The following GRID2IP variants were observed in gnomAD, a reference collection of about 807,000 sequenced individuals.
GRID2IP encodes the protein Grid2 interacting protein.
In GRID2IP, 78 loss-of-function variants were observed where a neutral mutation model predicts 114.3. The ratio of observed to expected loss-of-function variants is 0.68; its 90% CI spans 0.57 to 0.82. The LOEUF (loss-of-function observed/expected upper bound fraction) is 0.82, where lower values mean the gene tolerates loss of function less well. Among genes scored for constraint, GRID2IP ranks in the 40% least tolerant of loss-of-function variants. GRID2IP has a pLI of 0.00. For missense variants in GRID2IP, 1,727 were observed against 1,678.5 expected (o/e 1.03, Z -0.51); for synonymous variants, 809 against 724.0 (o/e 1.12, Z -1.89).
rs182315908 is a variant in GRID2IP, at chr7:6,506,271, G to A, written c.2545-364C>T. Among the ~76,000 whole-genome samples, 10 of 152,332 alleles carry A rather than the reference G, an allele frequency of 6.6e-5. No homozygotes were observed. In the East Asian group the frequency reaches 7.7e-4, roughly 12 times the overall value. On this transcript the variant is annotated intron_variant, in intron 13 of 21. Transcript: ENST00000457091. The surrounding 1 kb of genome is among the most constrained non-coding windows in gnomAD (Gnocchi z 5.2). ...CTGTCATCAGGTCTCCTTGGAGAGC[G>A]GTGAGTTCACCAGGGCTGCCCTGGG...
At chr7:6,542,420 G>A (rs1421003217) in intron 1 of GRID2IP, among the ~76,000 whole-genome samples, 1 of 152,054 alleles carries the variant, frequency 6.6e-6, no homozygotes, top group African/African-American at 2.4e-5. Flanking sequence ...TAGGGAGATC[G>A]AGGCAGGAGG....
chr7:6,502,227 C>G, intron 18 of GRID2IP, 109 bp from the exon 19 acceptor site: 1 of 1,103,656 alleles, frequency 9.1e-7, no homozygotes, highest in Non-Finnish European at 1.3e-6. Flanking sequence ...TTCTTGGCGC[C>G]CCCACTTTTT....
chr7:6,526,383 G>T lies in GRID2IP; in HGVS notation c.834-74C>A. 1.3e-6 allele frequency: 2 copies of T among 1,506,742 alleles called. No homozygotes were observed. Among genetic ancestry groups the T allele is most frequent in the Non-Finnish European group, 9.0e-7 (1 of 1,110,758 alleles). The allele number at this position is 1,506,742 out of a possible 1,614,324, so 93.3% of individuals were successfully genotyped here. A position where few individuals can be genotyped will look rare whatever the true frequency, so the allele number is the denominator to read the frequency against. On this transcript the variant is annotated intron_variant, in intron 3 of 21. Coordinates refer to ENST00000457091, the MANE Select transcript of GRID2IP (RefSeq NM_001145118.2). The surrounding 1 kb of genome is among the most constrained non-coding windows in gnomAD (Gnocchi z 7.6). The stretch of plus-strand genomic sequence containing the variant: ...GGCGCAGAGGTTGGAGATGTCCCGT[G>T]TCCCTCTCCCCTTAACCTCTCCGGC...
In GRID2IP at chr7:6,506,222, C is replaced by T. The variant is rs1028141012; in HGVS notation, c.2545-315G>A. On this transcript the variant is annotated intron_variant, in intron 13 of 21. Transcript: ENST00000457091. The surrounding 1 kb of genome is among the most constrained non-coding windows in gnomAD (Gnocchi z 5.2). ...AGGCTAGAGCCAAGTAAGGGGCTAC[C>T]GGAGGTGGCTCAGGGGTCTGGCTCT... Among the ~76,000 whole-genome samples the T allele has an allele frequency of 1.6e-4, 24 of 152,302 alleles. No homozygotes were observed. The highest frequency in any genetic ancestry group is 3.2e-4 in the Non-Finnish European group (22 of 68,028).
intron 1 of GRID2IP, among the ~76,000 whole-genome samples, chr7:6,547,236 A>T (rs1583356297): frequency 6.6e-6 from 1 of 152,238 alleles, no homozygotes; most frequent in African/African-American, 2.4e-5. Flanking sequence ...CTGTAGTGCA[A>T]ACGCACTAAG....
At chr7:6,502,224 C>T (rs754576288) in intron 18 of GRID2IP, 106 bp from the exon 19 acceptor site, 63 of 1,116,240 alleles carry the variant, frequency 5.6e-5, no homozygotes, top group Admixed American at 3.4e-4. Flanking sequence ...GAATTCTTGG[C>T]GCCCCCACTT....
In GRID2IP at chr7:6,536,902, G is replaced by C. The variant is rs1240447103; in HGVS notation, c.584+2816C>G. 4.5e-6 allele frequency: 3 copies of C among 663,312 alleles called. No homozygotes were observed. Among genetic ancestry groups the C allele is most frequent in the Admixed American group, 2.3e-5 (1 of 43,982 alleles). The allele number at this position is 663,312 out of a possible 1,614,324, so 41.1% of individuals were successfully genotyped here. Reference sequence around the variant, plus strand: ...CCGCTGCAGAGCCGAGAGCTGCGCCGGGGCTGGGGTGGGCGGGGGGGCGGC... The same window carrying C: ...CCGCTGCAGAGCCGAGAGCTGCGCCCGGGCTGGGGTGGGCGGGGGGGCGGC... On this transcript the variant is annotated intron_variant, in intron 2 of 21. Coordinates refer to ENST00000457091, the MANE Select transcript of GRID2IP (RefSeq NM_001145118.2). This position sits in a 1 kb window ranked among gnomAD's most constrained non-coding sequence, Gnocchi z 5.3.
At chr7:6,514,218 A>C (rs192942257) in intron 8 of GRID2IP, among the ~76,000 whole-genome samples, 157 bp downstream of exon 8, 14 of 152,258 alleles carry the variant, frequency 9.2e-5, no homozygotes, top group Admixed American at 8.5e-4. Context: ...GTGCCATTGC[A>C]CTCCAGCCTG....
Position 6,510,657 on chromosome 7 carries a change from G to A in GRID2IP, c.1605C>T (p.Arg535=), listed in dbSNP as rs569672182. 9 of 1,539,054 alleles carry A rather than the reference G, an allele frequency of 5.8e-6. No individual in the cohort carries two copies. The highest frequency in any genetic ancestry group is 7.9e-6 in the Non-Finnish European group (9 of 1,143,266). The change falls in exon 10 of 22, where the codon CGC becomes CGT. Residue 535 remains arginine, a synonymous_variant. Transcript: ENST00000457091. ...EMPLPLIPGE[R]QAGDGTSLPE... is the part of the protein sequence containing the mutation. The stretch of plus-strand genomic sequence containing the variant: ...GGAGGGACGTGCCGTCGCCTGCCTG[G>A]CGCTCGCCTGGGATCAGGGGAAGAG...
rs1409086109 is a variant in GRID2IP at position 6,516,697 on chromosome 7, G to A, written c.1269-2168C>T. Reference sequence around the variant, plus strand: ...CTGTGCTTCAGTGGTCACGCTCCTGGTCCGCATTCATGTTCTGCCCTGTGC... The same window carrying A: ...CTGTGCTTCAGTGGTCACGCTCCTGATCCGCATTCATGTTCTGCCCTGTGC... On this transcript the variant is annotated intron_variant, in intron 7 of 21. Coordinates refer to ENST00000457091, the MANE Select transcript of GRID2IP (RefSeq NM_001145118.2). The surrounding 1 kb of genome is among the most constrained non-coding windows in gnomAD (Gnocchi z 4.3). 6.6e-6 allele frequency among the ~76,000 whole-genome samples: 1 copy of A among 152,170 alleles called. No homozygotes were observed. The highest frequency in any genetic ancestry group is 1.5e-5 in the Non-Finnish European group (1 of 68,044).
intron 2 of GRID2IP, chr7:6,531,095 T>C (rs1476074059): frequency 3.6e-6 from 2 of 559,620 alleles, no homozygotes; most frequent in South Asian, 4.2e-5. Context: ...GCCCTGGTCC[T>C]TCCCCATCTG....
At position 6,497,483 on chromosome 7, in the gene GRID2IP, A is replaced by G; in HGVS notation, c.*291T>C. 6.1e-6 allele frequency: 2 copies of G among 326,428 alleles called. No individual in the cohort carries two copies. The highest frequency in any genetic ancestry group is 1.1e-5 in the Non-Finnish European group (2 of 178,530). 20.2% of individuals were successfully genotyped at this position (326,428 alleles called of 1,614,324 possible). A position where few individuals can be genotyped will look rare whatever the true frequency, so the allele number is the denominator to read the frequency against. On this transcript the variant is annotated 3_prime_UTR_variant, in exon 22 of 22. Transcript: ENST00000457091. ...AATCCACCCTCCAGGCCCCCCTGAC[A>G]GCCTGGGAGCGAAGTGGGAAGTGGG...
chr7:6,505,323 C>T (rs889472224), intron 14 of GRID2IP, among the ~76,000 whole-genome samples: 2 of 150,782 alleles, frequency 1.3e-5, no homozygotes, highest in Non-Finnish European at 2.9e-5. Context: ...AAATGAGAGT[C>T]CCTGGTGTTT....
Position 6,532,342 on chromosome 7 carries a change from C to G in GRID2IP, c.585-5573G>C, listed in dbSNP as rs982954057. 6.6e-6 allele frequency among the ~76,000 whole-genome samples: 1 copy of G among 152,070 alleles called. No individual in the cohort carries two copies. The highest frequency in any genetic ancestry group is 1.5e-5 in the Non-Finnish European group (1 of 68,020). Reference sequence around the variant, plus strand: ...AGGCGGGAACAGGAGAGGCAAGATGCCCCGGGGACTTTCCCTCTGTCTCAC... The same window carrying G: ...AGGCGGGAACAGGAGAGGCAAGATGGCCCGGGGACTTTCCCTCTGTCTCAC... On this transcript the variant is annotated intron_variant, in intron 2 of 21. Coordinates refer to ENST00000457091, the MANE Select transcript of GRID2IP (RefSeq NM_001145118.2). This position sits in a 1 kb window ranked among gnomAD's most constrained non-coding sequence, Gnocchi z 4.4.
chr7:6,508,843 C>T lies in GRID2IP; in HGVS notation c.2127+115G>A. On this transcript the variant is annotated intron_variant, in intron 12 of 21. Coordinates refer to ENST00000457091, the MANE Select transcript of GRID2IP (RefSeq NM_001145118.2). The surrounding 1 kb of genome is among the most constrained non-coding windows in gnomAD (Gnocchi z 5.6). ...AGCTTGAGCTAGGGAGTGGGATAGC[C>T]TGGGGAAGATCCCAAGGGCAGCAGG... The T allele has an allele frequency of 1.4e-6, 2 of 1,445,448 alleles. No homozygotes were observed. The highest frequency in any genetic ancestry group is 2.8e-5 in the African/African-American group (2 of 70,608). 89.5% of individuals were successfully genotyped at this position (1,445,448 alleles called of 1,614,324 possible). A position where few individuals can be genotyped will look rare whatever the true frequency, so the allele number is the denominator to read the frequency against.
At position 6,509,000 on chromosome 7, in the gene GRID2IP, G is replaced by C. The variant is rs1786679782; in HGVS notation, c.2085C>G (p.Thr695=). The C allele has an allele frequency of 1.3e-6, 2 of 1,548,276 alleles. No homozygotes were observed. Among genetic ancestry groups the C allele is most frequent in the Non-Finnish European group, 1.7e-6 (2 of 1,146,682 alleles). The change falls in exon 12 of 22, where the codon ACC becomes ACG. Residue 695 remains threonine, a synonymous_variant. Transcript: ENST00000457091. This position sits in a 1 kb window ranked among gnomAD's most constrained non-coding sequence, Gnocchi z 5.6. The stretch of plus-strand genomic sequence containing the variant: ...CCGGGGTCAGGAAATCATCCACGAT[G>C]GTGACCCGGGGGCCCAGCTGCTCGC... ...VLSEQLGPRV[T]IVDDFLTPEN...
Position 6,536,594 on chromosome 7 carries a change from C to T in GRID2IP, c.584+3124G>A, listed in dbSNP as rs372911550. The stretch of plus-strand genomic sequence containing the variant: ...CGAGAGGGCCTCCAGCCGAGCCCGG[C>T]TGCCAGCAGCCGGGAGACGAGCGAG... On this transcript the variant is annotated intron_variant, in intron 2 of 21. Transcript: ENST00000457091. The surrounding 1 kb of genome is among the most constrained non-coding windows in gnomAD (Gnocchi z 5.3). Among the ~76,000 whole-genome samples, 7 of 151,928 alleles carry T rather than the reference C, an allele frequency of 4.6e-5. No individual in the cohort carries two copies. In the East Asian group the frequency reaches 7.9e-4, roughly 17 times the overall value.
chr7:6,501,320 C>T (rs566993078), intron 20 of GRID2IP, among the ~76,000 whole-genome samples: 11 of 152,088 alleles, frequency 7.2e-5, no homozygotes, highest in Non-Finnish European at 1.2e-4. Context: ...AACTGCACTC[C>T]AGCCTGGGCA....
In GRID2IP at chr7:6,534,759, G is replaced by C. The variant is rs545452589; in HGVS notation, c.584+4959C>G. On this transcript the variant is annotated intron_variant, in intron 2 of 21. Transcript: ENST00000457091. This position sits in a 1 kb window ranked among gnomAD's most constrained non-coding sequence, Gnocchi z 4.5. ...GTCTGGCTCTGTCACCCAGGCTGGA[G>C]GCTGGAGTGCAGTGGCTTGTTCTCA... 6.6e-6 allele frequency among the ~76,000 whole-genome samples: 1 copy of C among 151,950 alleles called. No homozygotes were observed. The highest frequency in any genetic ancestry group is 1.5e-5 in the Non-Finnish European group (1 of 67,980).
Sources: allele counts gnomAD v4.1 joint callset (sites outside exome capture counted in the v4.1 genomes callset), GRCh38; gene constraint gnomAD v4.1.1; non-coding constraint Gnocchi (gnomAD v3.1); transcripts MANE v1.5; gene names NCBI Gene and HGNC (gene_info 2026-07-23, HGNC 2026-07-21).